RANBP17: variants seen among roughly 807,000 people sequenced by gnomAD.
The protein encoded by RANBP17 is RAN binding protein 17.
RANBP17 carries 158 observed loss-of-function variants against 141.2 expected under a neutral mutation model. The observed-to-expected ratio is 1.12, with a 90% CI of 0.98 to 1.28. The LOEUF (loss-of-function observed/expected upper bound fraction) is 1.28, where lower values mean the gene tolerates loss of function less well. Ranked by LOEUF, RANBP17 falls within the 50% of genes most tolerant of loss-of-function variation. The pLI is 0.00. For missense variants in RANBP17, 1,438 were observed against 1,290.7 expected (o/e 1.11, Z -1.75); for synonymous variants, 430 against 450.0 (o/e 0.96, Z 0.56).
chr5:171,267,026 CTTTTTTTTTTT>C (rs35762251), intron 25 of RANBP17, among the ~76,000 whole-genome samples: 2 of 114,620 alleles, frequency 1.7e-5, no homozygotes, highest in African/African-American at 7.4e-5. Flanking sequence ...ATTTTCTTTT[CTTTTTTTTTTT>C]TTTTTTTTTG....
chr5:171,298,766 A>C lies in RANBP17; in HGVS notation c.3175A>C (p.Thr1059Pro). Residue 1059 changes from threonine (T) to proline (P), a missense_variant, in exon 28 of 28, where the codon ACC (threonine) becomes CCC (proline). Transcript: ENST00000523189. ...NLSVKNRDRF[T>P]QNLSVFRRDV... Reference sequence around the variant, plus strand: ...CCTTTCTTCCTCTTTCTGCAGGTTCACCCAAAATCTGTCTGTATTCAGAAG... The same window carrying C: ...CCTTTCTTCCTCTTTCTGCAGGTTCCCCCAAAATCTGTCTGTATTCAGAAG... 6.2e-7 allele frequency: 1 copy of C among 1,613,610 alleles called. No individual in the cohort carries two copies. Among genetic ancestry groups the C allele is most frequent in the Non-Finnish European group, 8.5e-7 (1 of 1,179,584 alleles).
intron 14 of RANBP17, among the ~76,000 whole-genome samples, chr5:171,165,047 TCAG>T (rs1465901736): frequency 6.6e-6 from 1 of 152,206 alleles, no homozygotes; most frequent in African/African-American, 2.4e-5. Context: ...CCTGACCACT[TCAG>T]CACCTACTGT....
At chr5:171,100,633 T>C (rs1204372140) in intron 14 of RANBP17, among the ~76,000 whole-genome samples, 2 of 152,200 alleles carry the variant, frequency 1.3e-5, no homozygotes, top group African/African-American at 4.8e-5. Context: ...ATTTCTTGTC[T>C]TCTGCTAGCT....
chr5:171,177,380 C>T (rs1760555336), intron 16 of RANBP17, among the ~76,000 whole-genome samples: 1 of 152,144 alleles, frequency 6.6e-6, no homozygotes, highest in African/African-American at 2.4e-5. Context: ...ACAATCTCTT[C>T]CACCTGCTTC....
chr5:170,943,268 ATT>A (rs1227532109), intron 12 of RANBP17, among the ~76,000 whole-genome samples: 2 of 152,156 alleles, frequency 1.3e-5, no homozygotes, highest in African/African-American at 4.8e-5. Flanking sequence ...GTGTGCTTTA[ATT>A]TAGATGCTTA....
chr5:171,265,409 C>T (rs1283530560), intron 24 of RANBP17, among the ~76,000 whole-genome samples: 1 of 152,098 alleles, frequency 6.6e-6, no homozygotes, highest in Non-Finnish European at 1.5e-5. Context: ...GTGGCAGGCA[C>T]CTGTTAGCTA....
chr5:170,920,064 G>C (rs1161895242), intron 11 of RANBP17, among the ~76,000 whole-genome samples: 2 of 152,050 alleles, frequency 1.3e-5, no homozygotes, highest in African/African-American at 4.8e-5. Flanking sequence ...TTCACCTGTT[G>C]CTGGACTTTT....
At chr5:171,205,419 G>T in intron 19 of RANBP17, 105 bp from the exon 20 acceptor site, 1 of 871,652 alleles carries the variant, frequency 1.1e-6, no homozygotes, top group Non-Finnish European at 1.8e-6. Flanking sequence ...AGACATTTTA[G>T]CTAATGAATC....
chr5:171,026,169 A>G (rs919769953), intron 14 of RANBP17, among the ~76,000 whole-genome samples: 2 of 152,226 alleles, frequency 1.3e-5, no homozygotes, highest in South Asian at 4.1e-4. Context: ...AATTTGGTAA[A>G]GAATAATTGT....
intron 13 of RANBP17, 43 bp from the exon 14 acceptor site, chr5:170,968,199 G>A (rs1776725858): frequency 2.1e-6 from 3 of 1,395,386 alleles, no homozygotes; most frequent in Non-Finnish European, 9.6e-7. Flanking sequence ...GTTTCTCTAA[G>A]GTTTTGTACT....
At chr5:171,243,383 T>C (rs1045394873) in intron 24 of RANBP17, among the ~76,000 whole-genome samples, 1 of 152,250 alleles carries the variant, frequency 6.6e-6, no homozygotes, top group Non-Finnish European at 1.5e-5. Context: ...TGCTGAGTAT[T>C]ATTCCATTGT....
chr5:170,922,607 G>A (rs979789927), intron 11 of RANBP17, among the ~76,000 whole-genome samples: 1 of 152,212 alleles, frequency 6.6e-6, no homozygotes, highest in Non-Finnish European at 1.5e-5. Context: ...GGCTCCGTGG[G>A]CGTGGGACCC....
chr5:170,928,533 G>A (rs576564833), intron 12 of RANBP17, among the ~76,000 whole-genome samples: 4 of 152,090 alleles, frequency 2.6e-5, no homozygotes, highest in Non-Finnish European at 5.9e-5. Context: ...AAGGGTCAAG[G>A]CTTACAGTTA....
At chr5:171,051,857 AAAGAGT>A in intron 14 of RANBP17, among the ~76,000 whole-genome samples, 1 of 152,152 alleles carries the variant, frequency 6.6e-6, no homozygotes, top group Non-Finnish European at 1.5e-5. Context: ...CAGCAATGTA[AAAGAGT>A]TTATCTTTCT....
intron 20 of RANBP17, chr5:171,207,852 A>G (rs1368668378): frequency 6.6e-6 from 1 of 152,202 alleles, no homozygotes; most frequent in Non-Finnish European, 1.5e-5. Context: ...TTTAAAAGTT[A>G]TATTATTTGA....
At chr5:171,027,889 A>G (rs1182290621) in intron 14 of RANBP17, among the ~76,000 whole-genome samples, 1 of 152,098 alleles carries the variant, frequency 6.6e-6, no homozygotes, top group African/African-American at 2.4e-5. Context: ...TTTTTAGAGT[A>G]GCTATTGAAC....
At position 171,125,410 on chromosome 5, in the gene RANBP17, AAGAG is replaced by A. The variant is rs572449946; in HGVS notation, c.1711-44716_1711-44713del. 1.2e-4 allele frequency among the ~76,000 whole-genome samples: 18 copies of A among 152,020 alleles called. No individual in the cohort carries two copies. The South Asian group carries it at 3.1e-3, about 26-fold the overall frequency. ...TCAAACAAAGGGTAAAAAAAAAAAAAAGAGAGACAAAGAAGGTCATTATAAAATG... is the reference window on the plus strand; with the variant it reads ...TCAAACAAAGGGTAAAAAAAAAAAAAAGACAAAGAAGGTCATTATAAAATG... On this transcript the variant is annotated intron_variant, in intron 14 of 27. Coordinates refer to ENST00000523189, the MANE Select transcript of RANBP17 (RefSeq NM_022897.5).
chr5:171,043,545 T>A (rs537286933), intron 14 of RANBP17, among the ~76,000 whole-genome samples: 1 of 152,312 alleles, frequency 6.6e-6, no homozygotes, highest in African/African-American at 2.4e-5. Context: ...TGCCTCAGTG[T>A]CATTGTTAGA....
rs577693346 is a variant in RANBP17 at position 170,932,455 on chromosome 5, G to A, written c.1468+7905G>A. On this transcript the variant is annotated intron_variant, in intron 12 of 27. Coordinates refer to ENST00000523189, the MANE Select transcript of RANBP17 (RefSeq NM_022897.5). ...ACATCCAACACTATGTTGAATAGGA[G>A]TGGTGAGAGAGGGCATCCCTGTCTT... 2.7e-3 allele frequency among the ~76,000 whole-genome samples: 404 copies of A among 152,336 alleles called. 5 individuals are homozygous for A. Among genetic ancestry groups the A allele is most frequent in the Middle Eastern group, 0.014 (4 of 294 alleles).
Sources: allele counts gnomAD v4.1 joint callset (sites outside exome capture counted in the v4.1 genomes callset), GRCh38; gene constraint gnomAD v4.1.1; transcripts MANE v1.5; gene names NCBI Gene and HGNC (gene_info 2026-07-23, HGNC 2026-07-21).